The following ZNF565 variants were observed in gnomAD, a reference collection of about 807,000 sequenced individuals.
The protein encoded by ZNF565 is zinc finger protein 565.
In ZNF565, 27 loss-of-function variants were observed where a neutral mutation model predicts 39.4. The observed-to-expected ratio is 0.69, with a 90% confidence interval of 0.51 to 0.95. ZNF565 has a LOEUF of 0.95. Among genes scored for constraint, ZNF565 ranks in the 40% least tolerant of loss-of-function variants. The probability of loss-of-function intolerance (pLI) is 0.00; values close to 1 mark genes in which losing one functional copy is unlikely to be tolerated. For synonymous variants in ZNF565, 185 were observed against 216.6 expected (o/e 0.85, Z 1.28); for missense variants, 524 against 621.1 (o/e 0.84, Z 1.66).
intron 4 of ZNF565, among the ~76,000 whole-genome samples, chr19:36,184,997 A>G (rs910251116): frequency 1.8e-4 from 27 of 152,062 alleles, no homozygotes; most frequent in African/African-American, 6.5e-4. Context: ...AGGCGCCTAT[A>G]ATCCCAGCTG....
chr19:36,184,020 G>C (rs1282015860), intron 4 of ZNF565, among the ~76,000 whole-genome samples: 4 of 138,584 alleles, frequency 2.9e-5, no homozygotes, highest in Non-Finnish European at 6.1e-5. Flanking sequence ...AGAGGTCGCA[G>C]TGAGCCGAGA....
At chr19:36,197,288 C>CA (rs1365359302) in intron 2 of ZNF565, among the ~76,000 whole-genome samples, 1 of 146,910 alleles carries the variant, frequency 6.8e-6, no homozygotes, top group Non-Finnish European at 1.5e-5. Context: ...AACAAACAAA[C>CA]AACAACAACA....
intron 4 of ZNF565, among the ~76,000 whole-genome samples, chr19:36,190,292 C>T (rs1975480733): frequency 6.6e-6 from 1 of 151,940 alleles, no homozygotes; most frequent in Non-Finnish European, 1.5e-5. Flanking sequence ...GATTGCTAAT[C>T]AGGGCAGGGC....
intron 2 of ZNF565, among the ~76,000 whole-genome samples, chr19:36,201,567 T>A (rs1033547377): frequency 1.3e-5 from 2 of 152,058 alleles, no homozygotes; most frequent in African/African-American, 4.8e-5. Flanking sequence ...CTCCATCTCC[T>A]GGGTTCAAAC....
At chr19:36,204,841 T>C (rs1213674671) in intron 1 of ZNF565, among the ~76,000 whole-genome samples, 1 of 151,632 alleles carries the variant, frequency 6.6e-6, no homozygotes, top group African/African-American at 2.4e-5. Context: ...AATACAAAAA[T>C]TAGCCAGGCA....
chr19:36,242,702 G>A (rs1045610645), intron 1 of ZNF565, among the ~76,000 whole-genome samples: 1 of 152,212 alleles, frequency 6.6e-6, no homozygotes, highest in Non-Finnish European at 1.5e-5. Context: ...CCCAGCCTGG[G>A]TGATAGAGCA....
chr19:36,224,990 A>G (rs1375485816), intron 1 of ZNF565, among the ~76,000 whole-genome samples: 2 of 152,072 alleles, frequency 1.3e-5, no homozygotes, highest in Non-Finnish European at 2.9e-5. Context: ...AGTTATTTGT[A>G]ATTAGATTAT....
chr19:36,197,030 G>A (rs1012566373), intron 2 of ZNF565, among the ~76,000 whole-genome samples: 2 of 151,034 alleles, frequency 1.3e-5, no homozygotes, highest in South Asian at 4.2e-4. Context: ...ACTCTAGCCT[G>A]GGCAACAAGA....
intron 4 of ZNF565, among the ~76,000 whole-genome samples, chr19:36,187,928 G>A (rs1290069436): frequency 3.3e-5 from 5 of 151,190 alleles, no homozygotes; most frequent in East Asian, 4.0e-4. Flanking sequence ...GTGAGCCACC[G>A]CGCCTGGCCC....
In ZNF565 at chr19:36,183,089, G is replaced by A; in HGVS notation, c.877C>T (p.Gln293Ter). Residue 293 changes from glutamine to a stop codon, truncating the protein, a stop_gained, in exon 5 of 5, where the codon CAA becomes TAA. Coordinates refer to ENST00000304116, the MANE Select transcript of ZNF565 (RefSeq NM_152477.5). LOFTEE classifies it high-confidence loss of function. ...DCGKAFIRGS[Q>*]LTVHRRIHTG... ...TGGATTCTCCGATGCACAGTGAGTTGGGAGCCACGAATGAAAGCCTTGCCA... is the reference window on the plus strand; with the variant it reads ...TGGATTCTCCGATGCACAGTGAGTTAGGAGCCACGAATGAAAGCCTTGCCA... 6.2e-7 allele frequency: 1 copy of A among 1,614,164 alleles called. No homozygotes were observed.
chr19:36,215,801 G>A (rs551219603), upstream of ZNF565, among the ~76,000 whole-genome samples: 55 of 152,264 alleles, frequency 3.6e-4, no homozygotes, highest in Non-Finnish European at 6.6e-4. Context: ...TGTACGCTTT[G>A]AGAAGCAATC....
chr19:36,237,402 G>T, intron 1 of ZNF565: 1 of 1,480,008 alleles, frequency 6.8e-7, no homozygotes. Context: ...TCCTTCTGAA[G>T]CAAAGCACCA....
chr19:36,189,344 C>T (rs1000968997), intron 4 of ZNF565, among the ~76,000 whole-genome samples: 8 of 150,830 alleles, frequency 5.3e-5, no homozygotes, highest in African/African-American at 1.7e-4. Flanking sequence ...GACAGAGTCT[C>T]GCTCTGTCGC....
chr19:36,211,043 TA>T (rs1976336108), intron 1 of ZNF565, among the ~76,000 whole-genome samples: 1 of 150,320 alleles, frequency 6.7e-6, no homozygotes, highest in Non-Finnish European at 1.5e-5. Flanking sequence ...ACCTATAGAA[TA>T]AAAGAGATTA....
chr19:36,243,619 G>A (rs766763147), intron 1 of ZNF565, among the ~76,000 whole-genome samples: 50 of 152,212 alleles, frequency 3.3e-4, no homozygotes, highest in Non-Finnish European at 6.3e-4. Context: ...GATGGGTTCA[G>A]GGAGCATAAA....
intron 1 of ZNF565, among the ~76,000 whole-genome samples, chr19:36,233,560 G>A (rs112898804): frequency 2.0e-5 from 3 of 152,036 alleles, no homozygotes; most frequent in African/African-American, 4.8e-5. Flanking sequence ...ATTATCGGGC[G>A]TTTCTCGGAG....
intron 4 of ZNF565, among the ~76,000 whole-genome samples, chr19:36,184,096 A>C (rs1399134737): frequency 1.3e-5 from 2 of 149,594 alleles, no homozygotes; most frequent in Non-Finnish European, 3.0e-5. Flanking sequence ...AAAAAAAAAA[A>C]AAAAAAACTA....
chr19:36,207,921 A>G (rs191204506), intron 1 of ZNF565, among the ~76,000 whole-genome samples: 43 of 152,346 alleles, frequency 2.8e-4, no homozygotes, highest in African/African-American at 9.9e-4. Context: ...GGACATGTAC[A>G]TGAGCAGAAA....
chr19:36,236,686 C>G, intron 1 of ZNF565: 1 of 1,614,178 alleles, frequency 6.2e-7, no homozygotes. Flanking sequence ...AATCATTTAG[C>G]CAGAAGGAAA....
Sources: gnomAD v4.1 joint callset for allele counts (sites outside exome capture counted in the v4.1 genomes callset) on GRCh38, gnomAD v4.1.1 for gene constraint, MANE v1.5 for transcripts, NCBI Gene and HGNC (gene_info 2026-07-23, HGNC 2026-07-21) for gene names.